Variants in ROBO1 observed in about 807,000 individuals in gnomAD.
ROBO1 encodes the protein roundabout homolog 1.
A neutral mutation model predicts 195.9 loss-of-function variants in ROBO1; 149 were observed. The observed-to-expected ratio is 0.76, with a 90% CI of 0.67 to 0.87. The LOEUF is 0.87. Ranked by LOEUF, ROBO1 falls within the 40% of genes least tolerant of loss-of-function variation. The pLI is 0.00. For synonymous variants in ROBO1, 816 were observed against 733.2 expected, an observed-to-expected ratio of 1.11 and a Z score of -1.82; for missense variants, 1,933 against 2,068.3, an observed-to-expected ratio of 0.93 and a Z score of 1.27.
intron 2 of ROBO1, among the ~76,000 whole-genome samples, chr3:79,161,942 T>G (rs2080974517): frequency 6.6e-6 from 1 of 152,170 alleles, no homozygotes. Flanking sequence ...CAGCCTCTGA[T>G]GAGCTGCAGT....
At chr3:79,397,218 G>GTA (rs758086563) in intron 2 of ROBO1, among the ~76,000 whole-genome samples, 11 of 150,302 alleles carry the variant, frequency 7.3e-5, no homozygotes, top group Middle Eastern at 3.5e-3. Flanking sequence ...AAATTAATAA[G>GTA]TATATATATA....
At chr3:79,242,549 A>G (rs1294869173) in intron 2 of ROBO1, among the ~76,000 whole-genome samples, 2 of 152,208 alleles carry the variant, frequency 1.3e-5, no homozygotes, top group Admixed American at 6.6e-5. Flanking sequence ...GTAGGTGCCA[A>G]TAAAGCCATG....
At chr3:79,209,275 G>C (rs2081928768) in intron 2 of ROBO1, among the ~76,000 whole-genome samples, 1 of 152,054 alleles carries the variant, frequency 6.6e-6, no homozygotes, top group Admixed American at 6.5e-5. Context: ...ACTTCAACTA[G>C]AATAATGCCT....
intron 3 of ROBO1, among the ~76,000 whole-genome samples, chr3:78,950,379 G>C (rs576184344): frequency 6.6e-6 from 1 of 151,644 alleles, no homozygotes; most frequent in Admixed American, 6.6e-5. Flanking sequence ...GATGAAACTG[G>C]AAACCACCAT....
At chr3:79,290,618 T>A (rs1030910927) in intron 2 of ROBO1, among the ~76,000 whole-genome samples, 25 of 152,172 alleles carry the variant, frequency 1.6e-4, no homozygotes, top group African/African-American at 6.0e-4. Context: ...ATGCTCTGAC[T>A]GTCCCTAGAA....
Position 78,717,277 on chromosome 3 carries a change from G to C in ROBO1, c.915C>G (p.Ser305=). 7 of 1,566,768 alleles carry C rather than the reference G, an allele frequency of 4.5e-6. No individual in the cohort carries two copies. The highest frequency in any genetic ancestry group is 6.0e-6 in the Non-Finnish European group (7 of 1,161,586). The change falls in exon 7 of 31, where the codon TCC becomes TCG. Residue 305 remains serine (S), a splice_region_variant and synonymous_variant. Coordinates refer to ENST00000464233, the MANE Select transcript of ROBO1 (RefSeq NM_002941.4). ...TATCATGAAACTCTGATGTGTACCT[G>C]GATTTGGGCAGCTCTCCATCATCTT... The part of the protein sequence containing the change: ...WRKDDGELPK[S]RYEIRDDHTL...
intron 2 of ROBO1, among the ~76,000 whole-genome samples, chr3:79,326,974 CTT>C (rs1052521593): frequency 4.6e-5 from 7 of 152,138 alleles, no homozygotes; most frequent in Non-Finnish European, 8.8e-5. Context: ...AGTTAAGTCA[CTT>C]TATCTCTCTA....
At chr3:79,416,579 G>A (rs1374455615) in intron 2 of ROBO1, among the ~76,000 whole-genome samples, 2 of 149,636 alleles carry the variant, frequency 1.3e-5, no homozygotes, top group African/African-American at 4.9e-5. Flanking sequence ...CTGCACTCCA[G>A]CCTGGGTGAG....
At chr3:79,372,049 G>T (rs2036214067) in intron 2 of ROBO1, among the ~76,000 whole-genome samples, 1 of 152,042 alleles carries the variant, frequency 6.6e-6, no homozygotes, top group Non-Finnish European at 1.5e-5. Context: ...AGAATCTAGT[G>T]CCGCAGCTGA....
At chr3:79,685,563 G>T (rs900569881) in intron 1 of ROBO1, among the ~76,000 whole-genome samples, 3 of 152,138 alleles carry the variant, frequency 2.0e-5, no homozygotes, top group Non-Finnish European at 4.4e-5. Context: ...GCATATGGGT[G>T]CAGGTTTCCA....
chr3:79,144,566 A>G (rs1048507842), intron 2 of ROBO1, among the ~76,000 whole-genome samples: 6 of 151,920 alleles, frequency 3.9e-5, no homozygotes, highest in African/African-American at 1.2e-4. Flanking sequence ...GATGGAATGG[A>G]GTACGTGAAC....
intron 2 of ROBO1, among the ~76,000 whole-genome samples, chr3:79,447,603 A>G (rs2039305213): frequency 6.6e-6 from 1 of 152,180 alleles, no homozygotes; most frequent in Non-Finnish European, 1.5e-5. Flanking sequence ...AAAGACTTTA[A>G]AAATTAAATT....
At chr3:79,728,464 T>G (rs968074010) in intron 1 of ROBO1, among the ~76,000 whole-genome samples, 1 of 152,162 alleles carries the variant, frequency 6.6e-6, no homozygotes, top group African/African-American at 2.4e-5. Flanking sequence ...GTTATACCGT[T>G]TCTGACCTTC....
At chr3:79,104,337 T>A (rs1213595870) in intron 3 of ROBO1, among the ~76,000 whole-genome samples, 1 of 151,824 alleles carries the variant, frequency 6.6e-6, no homozygotes. Flanking sequence ...TACTTGAAGT[T>A]AGGCTATTTC....
chr3:78,782,310 A>C (rs1576155437), intron 4 of ROBO1, among the ~76,000 whole-genome samples: 1 of 151,228 alleles, frequency 6.6e-6, no homozygotes, highest in Admixed American at 6.6e-5. Flanking sequence ...GATTCTCTTG[A>C]CTCAGCCTCC....
At chr3:79,604,182 G>A (rs1009133042) in intron 1 of ROBO1, among the ~76,000 whole-genome samples, 2 of 151,908 alleles carry the variant, frequency 1.3e-5, no homozygotes, top group Non-Finnish European at 2.9e-5. Context: ...TTTTAGGCAA[G>A]TTTGAGATAC....
chr3:79,571,883 A>T (rs1683076756), intron 2 of ROBO1, among the ~76,000 whole-genome samples: 1 of 152,076 alleles, frequency 6.6e-6, no homozygotes, highest in African/African-American at 2.4e-5. Flanking sequence ...TCCTAAATTT[A>T]ATGTTCTCTT....
intron 1 of ROBO1, among the ~76,000 whole-genome samples, chr3:79,672,187 A>G (rs1946653027): frequency 6.6e-6 from 1 of 152,016 alleles, no homozygotes; most frequent in Admixed American, 6.6e-5. Context: ...AATAATGCAC[A>G]GCATGCAGAG....
intron 2 of ROBO1, among the ~76,000 whole-genome samples, chr3:79,175,286 T>C (rs1576774275): frequency 1.3e-5 from 2 of 152,314 alleles, no homozygotes; most frequent in East Asian, 3.9e-4. Context: ...AGCACCTATT[T>C]GCAGTAATCC....
Sources: gnomAD v4.1 joint callset for allele counts (sites outside exome capture counted in the v4.1 genomes callset) on GRCh38, gnomAD v4.1.1 for gene constraint, MANE v1.5 for transcripts, NCBI Gene and HGNC (gene_info 2026-07-23, HGNC 2026-07-21) for gene names.